The following SNRPD1 variants were observed in gnomAD, a reference collection of about 807,000 sequenced individuals.
SNRPD1 encodes the protein small nuclear ribonucleoprotein Sm D1.
In SNRPD1, 1 loss-of-function variant was observed where a neutral mutation model predicts 14.4. The ratio of observed to expected loss-of-function variants is 0.07; its 90% CI spans 0.02 to 0.33. The LOEUF is 0.33. Ranked by LOEUF, SNRPD1 falls within the 10% of genes least tolerant of loss-of-function variation. The probability of loss-of-function intolerance (pLI) is 1.00; values close to 1 mark genes in which losing one functional copy is unlikely to be tolerated. For missense variants in SNRPD1, 52 were observed against 146.4 expected (o/e 0.36, Z 3.33); for synonymous variants, 42 against 50.3 (o/e 0.83, Z 0.70).
Position 21,631,930 on chromosome 18 carries a change from C to G in SNRPD1, c.*2792C>G, listed in dbSNP as rs2039087726. The stretch of plus-strand genomic sequence containing the variant: ...GCAAGAGTAGGAAATAAACAGTTGG[C>G]TCCTGTCCTCGTGGAGCTTATAGAC... On this transcript the variant is annotated 3_prime_UTR_variant, in exon 4 of 4. Coordinates refer to ENST00000300413, the MANE Select transcript of SNRPD1 (RefSeq NM_006938.4). 6.6e-6 allele frequency: 1 copy of G among 152,044 alleles called. No individual in the cohort carries two copies. The highest frequency in any genetic ancestry group is 6.6e-5 in the Admixed American group (1 of 15,246). The allele number at this position is 152,044 out of a possible 1,614,324, so 9.4% of individuals were successfully genotyped here.
chr18:21,614,446 T>C (rs2038943137), intron 1 of SNRPD1, among the ~76,000 whole-genome samples: 1 of 152,202 alleles, frequency 6.6e-6, no homozygotes, highest in Non-Finnish European at 1.5e-5. Context: ...GTTTTGTGTC[T>C]TAGGTAAAAT....
chr18:21,621,937 A>G (rs1479964358), intron 1 of SNRPD1, among the ~76,000 whole-genome samples: 2 of 152,224 alleles, frequency 1.3e-5, no homozygotes, highest in Non-Finnish European at 2.9e-5. Flanking sequence ...ATAAACTGCT[A>G]AACGAGGACT....
At chr18:21,626,745 T>A (rs1168312963) in intron 3 of SNRPD1, among the ~76,000 whole-genome samples, 1 of 148,578 alleles carries the variant, frequency 6.7e-6, no homozygotes. Context: ...GAGATCGCAC[T>A]ACTGCACTCC....
intron 3 of SNRPD1, among the ~76,000 whole-genome samples, chr18:21,625,636 A>G (rs531626870): frequency 1.4e-5 from 2 of 147,918 alleles, no homozygotes; most frequent in Admixed American, 1.3e-4. Context: ...TTTGAGATGG[A>G]CTCTCACTCT....
At chr18:21,618,521 CTAACTGGGATAG>C in intron 1 of SNRPD1, among the ~76,000 whole-genome samples, 1 of 151,528 alleles carries the variant, frequency 6.6e-6, no homozygotes, top group Non-Finnish European at 1.5e-5. Context: ...AAAGTTCTTA[CTAACTGGGATAG>C]TAAATTCGTG....
intron 1 of SNRPD1, among the ~76,000 whole-genome samples, chr18:21,618,809 AG>A (rs548356709): frequency 1.4e-3 from 220 of 152,312 alleles, no homozygotes; most frequent in African/African-American, 5.2e-3. Flanking sequence ...CTAAAAAAAA[AG>A]AAATTAAAAA....
In SNRPD1 at chr18:21,633,424, C is replaced by G. The variant is rs1339489107; in HGVS notation, c.*4286C>G. 1 of 152,284 alleles carries G rather than the reference C, an allele frequency of 6.6e-6. No homozygotes were observed. The highest frequency in any genetic ancestry group is 1.5e-5 in the Non-Finnish European group (1 of 68,028). The allele number at this position is 152,284 out of a possible 1,614,324, so 9.4% of individuals were successfully genotyped here. A position where few individuals can be genotyped will look rare whatever the true frequency, so the allele number is the denominator to read the frequency against. On this transcript the variant is annotated 3_prime_UTR_variant, in exon 4 of 4. Transcript: ENST00000300413. ...AAGAATCTCTGTCATAATAAACCAA[C>G]AGCAGACATTTTCTAAAGGCATTAA...
chr18:21,620,145 G>A (rs1295725307), intron 1 of SNRPD1, among the ~76,000 whole-genome samples: 2 of 152,036 alleles, frequency 1.3e-5, no homozygotes, highest in Non-Finnish European at 2.9e-5. Context: ...TAGTAGAGAT[G>A]GGATTTCACC....
rs1000667915 is a variant in SNRPD1 at position 21,629,329 on chromosome 18, C to A, written c.*191C>A. 3.7e-5 allele frequency: 18 copies of A among 484,272 alleles called. No individual in the cohort carries two copies. The highest frequency in any genetic ancestry group is 6.7e-5 in the Non-Finnish European group (18 of 270,518). The allele number at this position is 484,272 out of a possible 1,614,324, so 30.0% of individuals were successfully genotyped here. On this transcript the variant is annotated 3_prime_UTR_variant, in exon 4 of 4. Coordinates refer to ENST00000300413, the MANE Select transcript of SNRPD1 (RefSeq NM_006938.4). ...GCTAAGCATTTCTACTGGGCAGTTTCATTTTTAGTTGATCAGGTTTTAAGT... is the reference window on the plus strand; with the variant it reads ...GCTAAGCATTTCTACTGGGCAGTTTAATTTTTAGTTGATCAGGTTTTAAGT...
chr18:21,632,855 C>CTTTTTTT lies in SNRPD1; in HGVS notation c.*3724_*3730dup. The CTTTTTTT allele has an allele frequency of 7.4e-6, 1 of 134,366 alleles. No homozygotes were observed. The highest frequency in any genetic ancestry group is 1.5e-5 in the Non-Finnish European group (1 of 65,796). The allele number at this position is 134,366 out of a possible 1,614,324, so 8.3% of individuals were successfully genotyped here. ...CTTTTCTTTTCTTTTCTTTTCTTTT[C>CTTTTTTT]TTTTTTTTTTTTTGAGACAGAGTCT... On this transcript the variant is annotated 3_prime_UTR_variant, in exon 4 of 4. Coordinates refer to ENST00000300413, the MANE Select transcript of SNRPD1 (RefSeq NM_006938.4).
chr18:21,616,173 G>A lies in SNRPD1; in HGVS notation c.14+3730G>A, dbSNP rs375847860. Among the ~76,000 whole-genome samples the A allele has an allele frequency of 2.5e-4, 38 of 151,802 alleles. No individual in the cohort carries two copies. In the East Asian group the frequency reaches 6.3e-3, roughly 25 times the overall value. ...GCTAATTTTTTGTATTTTTAGTAGA[G>A]ACGGGATTTCACCGTGTTAGCCAGG... On this transcript the variant is annotated intron_variant, in intron 1 of 3. Transcript: ENST00000300413.
Position 21,623,821 on chromosome 18 carries a change from G to T in SNRPD1, c.165G>T (p.Leu55=). ...TGAAGAACAGAGAACCTGTACAGCT[G>T]GAAACGCTGAGTATTCGAGGAAATA... ...MTLKNREPVQ[L]ETLSIRGNNI... is the part of the protein sequence containing the mutation. Residue 55 remains leucine, a synonymous_variant, in exon 3 of 4, where the codon CTG becomes CTT. Coordinates refer to ENST00000300413, the MANE Select transcript of SNRPD1 (RefSeq NM_006938.4). 6.2e-7 allele frequency: 1 copy of T among 1,613,196 alleles called. No individual in the cohort carries two copies. Among genetic ancestry groups the T allele is most frequent in the Non-Finnish European group, 8.5e-7 (1 of 1,179,286 alleles).
At chr18:21,612,595 G>C (rs1365852431) in intron 1 of SNRPD1, 152 bp downstream of exon 1, 2 of 550,882 alleles carry the variant, frequency 3.6e-6, no homozygotes, top group Non-Finnish European at 6.3e-6. Flanking sequence ...GCTCGTGCTC[G>C]GGCCTGGGCT....
At chr18:21,615,234 A>G (rs2038948547) in intron 1 of SNRPD1, among the ~76,000 whole-genome samples, 1 of 152,202 alleles carries the variant, frequency 6.6e-6, no homozygotes, top group Non-Finnish European at 1.5e-5. Flanking sequence ...TTTTAGTTAC[A>G]TGTTTTTGAG....
chr18:21,616,793 C>G (rs2038961242), intron 1 of SNRPD1, among the ~76,000 whole-genome samples: 1 of 151,698 alleles, frequency 6.6e-6, no homozygotes, highest in African/African-American at 2.4e-5. Flanking sequence ...TCAAGTGATT[C>G]CCCTGCCTCA....
chr18:21,628,482 T>TATCA (rs2146262968), intron 3 of SNRPD1, among the ~76,000 whole-genome samples: 1 of 152,358 alleles, frequency 6.6e-6, no homozygotes, highest in African/African-American at 2.4e-5. Flanking sequence ...ATGAATTCCC[T>TATCA]ATCACCATGA....
At position 21,625,340 on chromosome 18, in the gene SNRPD1, G is replaced by A. The variant is rs1463095746; in HGVS notation, c.283+1401G>A. Reference sequence around the variant, plus strand: ...AATTTTTTTTTTTTTTTTTGAGATGGAGTTTCGCTCTTGTTAGCCAAGCTG... The same window carrying A: ...AATTTTTTTTTTTTTTTTTGAGATGAAGTTTCGCTCTTGTTAGCCAAGCTG... On this transcript the variant is annotated intron_variant, in intron 3 of 3. Transcript: ENST00000300413. Among the ~76,000 whole-genome samples the A allele has an allele frequency of 2.5e-4, 11 of 44,452 alleles. No homozygotes were observed. The South Asian group carries it at 3.1e-3, about 12-fold the overall frequency. The allele number at this position is 44,452 out of a possible 152,430, so 29.2% of individuals were successfully genotyped here.
At chr18:21,618,725 G>A (rs894124581) in intron 1 of SNRPD1, among the ~76,000 whole-genome samples, 3 of 152,080 alleles carry the variant, frequency 2.0e-5, no homozygotes, top group Admixed American at 2.0e-4. Context: ...TTCAACTCAT[G>A]AGTCTTCTTA....
chr18:21,623,105 A>G (rs2039010565), intron 2 of SNRPD1, among the ~76,000 whole-genome samples: 1 of 149,642 alleles, frequency 6.7e-6, no homozygotes, highest in Non-Finnish European at 1.5e-5. Flanking sequence ...TTTTTTTTTT[A>G]GACGGATTCT....
Sources: gnomAD v4.1 joint callset for allele counts (sites outside exome capture counted in the v4.1 genomes callset) on GRCh38, gnomAD v4.1.1 for gene constraint, MANE v1.5 for transcripts, NCBI Gene and HGNC (gene_info 2026-07-23, HGNC 2026-07-21) for gene names.